The following NRG3 variants were observed in gnomAD, a reference collection of about 807,000 sequenced individuals.
The protein encoded by NRG3 is pro-neuregulin-3, membrane-bound isoform.
NRG3 carries 31 observed loss-of-function variants against 66.9 expected under a neutral mutation model. The ratio of observed to expected loss-of-function variants is 0.46; its 90% confidence interval spans 0.35 to 0.63. The LOEUF (loss-of-function observed/expected upper bound fraction) is 0.63. Ranked by LOEUF, NRG3 falls within the 20% of genes least tolerant of loss-of-function variation. NRG3 has a pLI of 0.00. For missense variants in NRG3, 910 were observed against 878.9 expected (o/e 1.04, Z -0.45); for synonymous variants, 393 against 359.4 (o/e 1.09, Z -1.06).
intron 1 of NRG3, among the ~76,000 whole-genome samples, chr10:82,131,050 G>T (rs930891082): frequency 6.6e-6 from 1 of 152,008 alleles, no homozygotes; most frequent in Admixed American, 6.6e-5. Context: ...AATTTGATGT[G>T]ATCTTCTTTG....
At chr10:82,786,114 A>C (rs761763457) in intron 3 of NRG3, among the ~76,000 whole-genome samples, 23 of 152,120 alleles carry the variant, frequency 1.5e-4, no homozygotes, top group Admixed American at 2.6e-4. Context: ...CCACTACATA[A>C]ACTCCTTACT....
intron 1 of NRG3, among the ~76,000 whole-genome samples, chr10:82,023,399 T>A (rs915916080): frequency 6.6e-6 from 1 of 152,118 alleles, no homozygotes; most frequent in Admixed American, 6.6e-5. Context: ...CTATGTTGAA[T>A]AAAAGTGGTG....
intron 4 of NRG3, among the ~76,000 whole-genome samples, chr10:82,928,117 T>C (rs1847193489): frequency 6.6e-6 from 1 of 152,234 alleles, no homozygotes; most frequent in South Asian, 2.1e-4. Context: ...TTTTTTCATA[T>C]GTTTGCTGGC....
At position 82,362,548 on chromosome 10, in the gene NRG3, G is replaced by GTTTTTTTTTTTTTTTTTTT. The variant is rs10694679; in HGVS notation, c.953+3683_953+3701dup. 2.7e-3 allele frequency among the ~76,000 whole-genome samples: 226 copies of GTTTTTTTTTTTTTTTTTTT among 83,210 alleles called. 35 individuals are homozygous for GTTTTTTTTTTTTTTTTTTT. Among genetic ancestry groups the GTTTTTTTTTTTTTTTTTTT allele is most frequent in the South Asian group, 4.3e-3 (9 of 2,104 alleles). 54.6% of individuals were successfully genotyped at this position (83,210 alleles called of 152,430 possible). A position where few individuals can be genotyped will look rare whatever the true frequency, so the allele number is the denominator to read the frequency against. On this transcript the variant is annotated intron_variant, in intron 2 of 8. Transcript: ENST00000372141. The stretch of plus-strand genomic sequence containing the variant: ...ACCACCATGCCCAGATAATTTCTGG[G>GTTTTTTTTTTTTTTTTTTT]TTTTTTTTTTTTTTTTTTTTTCGTA...
chr10:82,661,367 G>A (rs896838425), intron 2 of NRG3, among the ~76,000 whole-genome samples: 1 of 151,650 alleles, frequency 6.6e-6, no homozygotes, highest in Non-Finnish European at 1.5e-5. Context: ...TATATAAACA[G>A]CATATTAAAT....
chr10:82,730,327 A>G (rs968000124), intron 2 of NRG3, among the ~76,000 whole-genome samples: 1 of 151,096 alleles, frequency 6.6e-6, no homozygotes, highest in Non-Finnish European at 1.5e-5. Context: ...CTTGTGATCC[A>G]CCCGCCTCAG....
intron 2 of NRG3, among the ~76,000 whole-genome samples, chr10:82,564,621 TTA>T (rs1345270138): frequency 6.6e-6 from 1 of 152,106 alleles, no homozygotes; most frequent in African/African-American, 2.4e-5. Context: ...AGAGAAATTC[TTA>T]GACTCTAACA....
chr10:82,449,101 CTCTT>C (rs1390840728), intron 2 of NRG3, among the ~76,000 whole-genome samples: 1 of 152,174 alleles, frequency 6.6e-6, no homozygotes, highest in Admixed American at 6.5e-5. Flanking sequence ...CAAGCAAAGA[CTCTT>C]TCTGCGAGCC....
chr10:82,349,399 A>C (rs1435671499), intron 1 of NRG3, among the ~76,000 whole-genome samples: 3 of 151,386 alleles, frequency 2.0e-5, no homozygotes, highest in South Asian at 2.1e-4. Context: ...TCAGGGACCC[A>C]CTTGAGGAGG....
intron 3 of NRG3, among the ~76,000 whole-genome samples, chr10:82,783,310 C>T (rs1176611549): frequency 6.6e-6 from 1 of 150,580 alleles, no homozygotes; most frequent in Non-Finnish European, 1.5e-5. Context: ...ACAGGGATGC[C>T]CTCTCTCACC....
chr10:82,824,890 T>C (rs1248506259), intron 3 of NRG3, among the ~76,000 whole-genome samples: 1 of 151,948 alleles, frequency 6.6e-6, no homozygotes, highest in Non-Finnish European at 1.5e-5. Flanking sequence ...CTAACTTATT[T>C]GCTTAGAGAC....
At chr10:82,507,654 T>G (rs551071583) in intron 2 of NRG3, among the ~76,000 whole-genome samples, 1 of 152,138 alleles carries the variant, frequency 6.6e-6, no homozygotes, top group African/African-American at 2.4e-5. Flanking sequence ...TTTGAGCCTC[T>G]GGGTGGCTAC....
intron 1 of NRG3, among the ~76,000 whole-genome samples, chr10:81,912,010 T>TA (rs1280833490): frequency 5.9e-5 from 9 of 152,222 alleles, no homozygotes; most frequent in South Asian, 4.2e-4. Context: ...AGGAGAAAGA[T>TA]AAAAAAAGTC....
In NRG3 at chr10:82,889,294, AGAGC is replaced by A. The variant is rs539989443; in HGVS notation, c.1054+23859_1054+23862del. ...GAGAGAGTCTGCTGGATTTGTTGAA[AGAGC>A]GGATACCGGGTTTGAGAGACAGCAA... On this transcript the variant is annotated intron_variant, in intron 4 of 8. Coordinates refer to ENST00000372141, the MANE Select transcript of NRG3 (RefSeq NM_001010848.4). Among the ~76,000 whole-genome samples the A allele has an allele frequency of 3.7e-4, 57 of 152,320 alleles. No homozygotes were observed. In the South Asian group the frequency reaches 0.011, roughly 30 times the overall value.
At chr10:82,268,653 A>C (rs924959679) in intron 1 of NRG3, among the ~76,000 whole-genome samples, 1 of 152,108 alleles carries the variant, frequency 6.6e-6, no homozygotes, top group Non-Finnish European at 1.5e-5. Flanking sequence ...TGCTGTATTA[A>C]GACATGGACC....
intron 1 of NRG3, among the ~76,000 whole-genome samples, chr10:82,086,098 G>C (rs1050438006): frequency 6.7e-6 from 1 of 149,854 alleles, no homozygotes. Flanking sequence ...TAAGATTTGG[G>C]TAACTGATAT....
At chr10:81,894,308 T>C (rs1023007820) in intron 1 of NRG3, among the ~76,000 whole-genome samples, 10 of 152,080 alleles carry the variant, frequency 6.6e-5, no homozygotes, top group African/African-American at 1.9e-4. Flanking sequence ...ACCACTGCAC[T>C]CCAGCCTGGA....
chr10:82,145,775 T>C (rs1339117161), intron 1 of NRG3, among the ~76,000 whole-genome samples: 1 of 152,186 alleles, frequency 6.6e-6, no homozygotes, highest in African/African-American at 2.4e-5. Context: ...AAGATATCTA[T>C]GGCAAACTTG....
intron 1 of NRG3, among the ~76,000 whole-genome samples, chr10:82,119,940 A>G (rs1482312585): frequency 6.6e-6 from 1 of 152,108 alleles, no homozygotes; most frequent in Admixed American, 6.6e-5. Flanking sequence ...ACCCTGTGCT[A>G]TTTGTCACGA....
Sources: allele counts gnomAD v4.1 joint callset (sites outside exome capture counted in the v4.1 genomes callset), GRCh38; gene constraint gnomAD v4.1.1; transcripts MANE v1.5; gene names NCBI Gene and HGNC (gene_info 2026-07-23, HGNC 2026-07-21).